CCDC191: variants seen among roughly 807,000 people sequenced by gnomAD.
The protein encoded by CCDC191 is coiled-coil domain containing 191, also known as coiled-coil domain-containing protein 191.
In CCDC191, 99 loss-of-function variants were observed where a neutral mutation model predicts 114.0. The observed-to-expected ratio is 0.87, with a 90% confidence interval of 0.74 to 1.03. The LOEUF is 1.03. Ranked by LOEUF, CCDC191 falls within the 50% of genes least tolerant of loss-of-function variation. The probability of loss-of-function intolerance (pLI) is 0.00; values close to 1 mark genes in which losing one functional copy is unlikely to be tolerated. For synonymous variants in CCDC191, 351 were observed against 376.0 expected (o/e 0.93, Z 0.77); for missense variants, 973 against 1,087.0 (o/e 0.90, Z 1.47).
intron 16 of CCDC191, among the ~76,000 whole-genome samples, chr3:113,977,510 T>C (rs1941455484): frequency 6.7e-6 from 1 of 149,494 alleles, no homozygotes; most frequent in African/African-American, 2.4e-5. Flanking sequence ...CAAAGACAAC[T>C]GGATTAAATA....
At chr3:113,969,346 A>G (rs1251010544) in intron 16 of CCDC191, among the ~76,000 whole-genome samples, 2 of 152,132 alleles carry the variant, frequency 1.3e-5, no homozygotes, top group Non-Finnish European at 2.9e-5. Flanking sequence ...GAAACTTTTT[A>G]GCTTGATGTA....
intron 7 of CCDC191, among the ~76,000 whole-genome samples, chr3:114,028,167 A>G (rs970484390): frequency 5.3e-5 from 8 of 152,132 alleles, no homozygotes; most frequent in African/African-American, 1.9e-4. Context: ...CTGGAAAACA[A>G]TATTTTGACT....
rs749778523 is a variant in CCDC191, at chr3:114,056,525, C to T, written c.-59G>A. ...TGCAGCAACCGCCCTTCTGCCCGGG[C>T]TGCCTCCGGGTCACGCTGGGAATTG... On this transcript the variant is annotated 5_prime_UTR_variant, in exon 1 of 17. Transcript: ENST00000295878. 1 of 1,612,496 alleles carries T rather than the reference C, an allele frequency of 6.2e-7. No homozygotes were observed. The highest frequency in any genetic ancestry group is 8.5e-7 in the Non-Finnish European group (1 of 1,180,012).
intron 8 of CCDC191, among the ~76,000 whole-genome samples, chr3:114,012,389 G>A (rs556488713): frequency 6.6e-6 from 1 of 152,084 alleles, no homozygotes; most frequent in Admixed American, 6.5e-5. Context: ...GCATTGATAG[G>A]TACTCAATAA....
In CCDC191 at chr3:114,010,967, A is replaced by G. The variant is rs1373404506; in HGVS notation, c.1218T>C (p.Phe406=). 4 of 1,613,906 alleles carry G rather than the reference A, an allele frequency of 2.5e-6. No individual in the cohort carries two copies. The highest frequency in any genetic ancestry group is 2.5e-6 in the Non-Finnish European group (3 of 1,179,926). ...YNRKQVLRHC[F]TEWQHWHGAE... ...CGCCATGCCAATGCTGCCATTCTGT[A>G]AAGCAGTGTCGGAGAACTTGTTTCC... Residue 406 remains phenylalanine, a synonymous_variant, in exon 9 of 17, where the codon TTT becomes TTC. Coordinates refer to ENST00000295878, the MANE Select transcript of CCDC191 (RefSeq NM_020817.2).
intron 5 of CCDC191, 27 bp downstream of exon 5, chr3:114,036,581 C>T (rs911309427): frequency 8.6e-6 from 13 of 1,520,422 alleles, no homozygotes; most frequent in Non-Finnish European, 1.1e-5. Flanking sequence ...TCCTGTTATC[C>T]ATTTTAATTT....
At chr3:113,990,379 T>G (rs1016472305) in intron 13 of CCDC191, among the ~76,000 whole-genome samples, 1 of 151,922 alleles carries the variant, frequency 6.6e-6, no homozygotes, top group African/African-American at 2.4e-5. Flanking sequence ...ACTACCAAGT[T>G]TTACTCAAGA....
At chr3:114,003,402 A>C in intron 11 of CCDC191, 1 of 985,290 alleles carries the variant, frequency 1.0e-6, no homozygotes, top group Non-Finnish European at 1.2e-6. Context: ...TACAGTTATT[A>C]AGTGTCTGCT....
chr3:114,018,596 G>T, intron 8 of CCDC191, 82 bp downstream of exon 8: 9 of 1,100,880 alleles, frequency 8.2e-6, no homozygotes, highest in South Asian at 5.2e-5. Flanking sequence ...TAGTTGGCAT[G>T]TGTAAAGTTT....
intron 13 of CCDC191, among the ~76,000 whole-genome samples, chr3:113,990,236 A>G (rs2075511013): frequency 6.6e-6 from 1 of 152,294 alleles, no homozygotes; most frequent in Non-Finnish European, 1.5e-5. Flanking sequence ...TATATTGCCA[A>G]TATCAAAATT....
chr3:114,030,281 A>G (rs543801625), intron 7 of CCDC191, among the ~76,000 whole-genome samples: 219 of 152,300 alleles, frequency 1.4e-3, no homozygotes, highest in Non-Finnish European at 2.6e-3. Context: ...ATGATTGTAC[A>G]GTGGACTTCA....
chr3:114,002,521 T>C lies in CCDC191; in HGVS notation c.1996A>G (p.Ile666Val). 3.1e-6 allele frequency: 5 copies of C among 1,610,528 alleles called. No homozygotes were observed. The highest frequency in any genetic ancestry group is 4.2e-6 in the Non-Finnish European group (5 of 1,178,628). Residue 666 changes from isoleucine (I) to valine (V), a missense_variant, in exon 12 of 17, where the codon ATT becomes GTT. By Grantham distance (29) the Ile-to-Val change is conservative. Transcript: ENST00000295878. ...PILKAMEERA[I>V]QRAECRRILA... ...ATCCGCCTACATTCAGCTCGTTGAA[T>C]TGCTCTCTCTTCCATAGCTAGAAAA... is the stretch of plus-strand genomic sequence containing the variant.
At chr3:114,030,453 G>T (rs2076389129) in intron 7 of CCDC191, among the ~76,000 whole-genome samples, 1 of 152,016 alleles carries the variant, frequency 6.6e-6, no homozygotes, top group African/African-American at 2.4e-5. Flanking sequence ...TATATAGGAG[G>T]AATACTAATT....
chr3:114,004,098 G>A, intron 11 of CCDC191: 1 of 939,398 alleles, frequency 1.1e-6, no homozygotes. Context: ...GGAAGACCCT[G>A]CCTGTACCAA....
intron 8 of CCDC191, among the ~76,000 whole-genome samples, chr3:114,016,623 C>T (rs938622467): frequency 6.6e-6 from 1 of 152,098 alleles, no homozygotes; most frequent in Non-Finnish European, 1.5e-5. Flanking sequence ...AAAATAGTCA[C>T]CTGAAAATAA....
chr3:114,032,272 G>A (rs1003938871), intron 6 of CCDC191, among the ~76,000 whole-genome samples: 1 of 152,184 alleles, frequency 6.6e-6, no homozygotes, highest in South Asian at 2.1e-4. Flanking sequence ...TAAAATAGCT[G>A]AAAAGAGAAA....
intron 4 of CCDC191, among the ~76,000 whole-genome samples, chr3:114,042,006 A>C (rs992965409): frequency 2.0e-5 from 3 of 152,146 alleles, no homozygotes; most frequent in Non-Finnish European, 4.4e-5. Context: ...GGAAAAAAAA[A>C]CTAGAAAAGT....
chr3:114,035,223 T>C, intron 5 of CCDC191, 75 bp from the exon 6 acceptor site: 1 of 1,107,750 alleles, frequency 9.0e-7, no homozygotes, highest in Non-Finnish European at 1.3e-6. Context: ...ACAATACATT[T>C]TGAAGTTCAG....
intron 15 of CCDC191, 188 bp downstream of exon 15, chr3:113,978,670 T>G: frequency 1.5e-6 from 1 of 666,358 alleles, no homozygotes; most frequent in African/African-American, 1.8e-5. Flanking sequence ...AAACACAGGC[T>G]TAGGATTTTA....
Sources: gnomAD v4.1 joint callset for allele counts (sites outside exome capture counted in the v4.1 genomes callset) on GRCh38, gnomAD v4.1.1 for gene constraint, MANE v1.5 for transcripts, NCBI Gene and HGNC (gene_info 2026-07-23, HGNC 2026-07-21) for gene names.